The following HCN1 variants were observed in gnomAD, a reference collection of about 807,000 sequenced individuals.
HCN1 encodes hyperpolarization activated cyclic nucleotide gated potassium channel 1.
A neutral mutation model predicts 78.9 loss-of-function variants in HCN1; 13 were observed. The observed-to-expected ratio is 0.16, with a 90% CI of 0.11 to 0.26. The LOEUF (loss-of-function observed/expected upper bound fraction) is 0.26, where lower values mean the gene tolerates loss of function less well. Ranked by LOEUF, HCN1 falls within the 10% of genes least tolerant of loss-of-function variation. The probability of loss-of-function intolerance (pLI) is 1.00; values close to 1 mark genes in which losing one functional copy is unlikely to be tolerated. For missense variants in HCN1, 810 were observed against 1,154.3 expected (o/e 0.70, Z 4.32); for synonymous variants, 552 against 455.5 (o/e 1.21, Z -2.70).
chr5:45,384,704 G>T (rs1254893693), intron 4 of HCN1, among the ~76,000 whole-genome samples: 2 of 152,046 alleles, frequency 1.3e-5, no homozygotes, highest in African/African-American at 4.8e-5. Flanking sequence ...GACTAATTTT[G>T]GAGGTTGGAA....
chr5:45,549,943 G>A (rs1052477117), intron 2 of HCN1, among the ~76,000 whole-genome samples: 28 of 152,024 alleles, frequency 1.8e-4, no homozygotes, highest in South Asian at 1.0e-3. Context: ...CGAAACCACA[G>A]TGAGATACCA....
intron 2 of HCN1, among the ~76,000 whole-genome samples, chr5:45,564,386 G>A (rs748970705): frequency 6.6e-6 from 1 of 151,556 alleles, no homozygotes; most frequent in Non-Finnish European, 1.5e-5. Flanking sequence ...TCAGCCTCCC[G>A]AGTAGCTGGG....
chr5:45,336,789 CAT>C, intron 5 of HCN1, among the ~76,000 whole-genome samples: 1 of 152,016 alleles, frequency 6.6e-6, no homozygotes, highest in Admixed American at 6.6e-5. Flanking sequence ...CTTCCTGGTT[CAT>C]AGACAGTGAG....
chr5:45,597,221 C>T (rs1276220452), intron 2 of HCN1, among the ~76,000 whole-genome samples: 7 of 152,268 alleles, frequency 4.6e-5, no homozygotes, highest in Admixed American at 1.3e-4. Flanking sequence ...TTATCCACCA[C>T]GATCAAGTCA....
intron 6 of HCN1, among the ~76,000 whole-genome samples, chr5:45,293,097 C>A (rs1745412462): frequency 6.6e-6 from 1 of 151,868 alleles, no homozygotes; most frequent in Non-Finnish European, 1.5e-5. Flanking sequence ...ATTTACATTC[C>A]TTTGAGTATA....
intron 3 of HCN1, among the ~76,000 whole-genome samples, chr5:45,436,397 G>A (rs768183360): frequency 1.9e-4 from 29 of 152,248 alleles, no homozygotes; most frequent in Admixed American, 5.2e-4. Flanking sequence ...TACCATACCT[G>A]AGTTACTTGC....
intron 3 of HCN1, among the ~76,000 whole-genome samples, chr5:45,397,792 TAA>T (rs1739715333): frequency 6.6e-6 from 1 of 151,676 alleles, no homozygotes. Flanking sequence ...ATACCATAAA[TAA>T]TACTGTATTA....
intron 5 of HCN1, among the ~76,000 whole-genome samples, chr5:45,342,724 C>A (rs901942283): frequency 6.6e-6 from 1 of 151,952 alleles, no homozygotes; most frequent in South Asian, 2.1e-4. Context: ...ATATAAAAAA[C>A]TTTTAGTGGG....
At chr5:45,587,126 T>G (rs1744246333) in intron 2 of HCN1, among the ~76,000 whole-genome samples, 1 of 152,192 alleles carries the variant, frequency 6.6e-6, no homozygotes. Flanking sequence ...TCAACCACTG[T>G]GGAAGACAGT....
chr5:45,592,527 G>A (rs762183554), intron 2 of HCN1, among the ~76,000 whole-genome samples: 1 of 151,784 alleles, frequency 6.6e-6, no homozygotes, highest in Non-Finnish European at 1.5e-5. Flanking sequence ...ACATTTCTAG[G>A]CCTTTTCTGA....
intron 3 of HCN1, among the ~76,000 whole-genome samples, chr5:45,441,909 T>C (rs1740687590): frequency 6.6e-6 from 1 of 152,172 alleles, no homozygotes; most frequent in Non-Finnish European, 1.5e-5. Flanking sequence ...TCTGCAAGGT[T>C]AATGTATGCT....
At chr5:45,437,743 C>A (rs1451485212) in intron 3 of HCN1, among the ~76,000 whole-genome samples, 1 of 152,186 alleles carries the variant, frequency 6.6e-6, no homozygotes, top group African/African-American at 2.4e-5. Context: ...TTATCTATTG[C>A]TGTATAACAA....
chr5:45,518,802 G>T (rs1218475084), intron 2 of HCN1, among the ~76,000 whole-genome samples: 3 of 151,828 alleles, frequency 2.0e-5, no homozygotes, highest in Non-Finnish European at 4.4e-5. Flanking sequence ...AGCATATGGG[G>T]ACCAAAAAGT....
At chr5:45,341,429 A>T (rs1041891256) in intron 5 of HCN1, among the ~76,000 whole-genome samples, 1 of 152,238 alleles carries the variant, frequency 6.6e-6, no homozygotes, top group Admixed American at 6.5e-5. Context: ...GCTGCAGATA[A>T]GAGTGGAGCT....
chr5:45,682,147 G>A (rs1739712480), intron 1 of HCN1, among the ~76,000 whole-genome samples: 1 of 151,658 alleles, frequency 6.6e-6, no homozygotes, highest in Admixed American at 6.6e-5. Flanking sequence ...CCTTGATCTT[G>A]CACTTTCCAG....
intron 4 of HCN1, among the ~76,000 whole-genome samples, chr5:45,357,410 C>T (rs1747024478): frequency 6.6e-6 from 1 of 151,974 alleles, no homozygotes; most frequent in South Asian, 2.1e-4. Flanking sequence ...TTTCTCCTAC[C>T]TTTCTCTGCA....
intron 2 of HCN1, among the ~76,000 whole-genome samples, chr5:45,482,304 A>C (rs1208084800): frequency 6.6e-6 from 1 of 152,152 alleles, no homozygotes; most frequent in South Asian, 2.1e-4. Context: ...CATGCCCTCA[A>C]CTCACAATAT....
At chr5:45,507,351 C>T (rs1310173153) in intron 2 of HCN1, among the ~76,000 whole-genome samples, 1 of 152,094 alleles carries the variant, frequency 6.6e-6, no homozygotes, top group Non-Finnish European at 1.5e-5. Context: ...GCAATGCTGC[C>T]ACTGGCACCA....
At chr5:45,555,192 A>G (rs907209149) in intron 2 of HCN1, among the ~76,000 whole-genome samples, 2 of 151,942 alleles carry the variant, frequency 1.3e-5, no homozygotes, top group Non-Finnish European at 1.5e-5. Context: ...ATTTCAGTAT[A>G]GATGCAGAAT....
Sources: gnomAD v4.1 joint callset for allele counts (sites outside exome capture counted in the v4.1 genomes callset) on GRCh38, gnomAD v4.1.1 for gene constraint, MANE v1.5 for transcripts, NCBI Gene and HGNC (gene_info 2026-07-23, HGNC 2026-07-21) for gene names.